SH3BGRL: variants seen among roughly 807,000 people sequenced by gnomAD.
The protein encoded by SH3BGRL is SH3 domain binding glutamate rich protein like.
Under a neutral mutation model 9.8 loss-of-function variants are expected in SH3BGRL, and 7 were observed. The ratio of observed to expected loss-of-function variants is 0.72; its 90% CI spans 0.41 to 1.35. SH3BGRL has a LOEUF of 1.35. Among genes scored for constraint, SH3BGRL ranks in the 40% most tolerant of loss-of-function variants. The probability of loss-of-function intolerance (pLI) is 0.01; values close to 1 mark genes in which losing one functional copy is unlikely to be tolerated. For missense variants in SH3BGRL, 73 were observed against 84.4 expected (o/e 0.86, Z 0.53); for synonymous variants, 36 against 29.1 (o/e 1.24, Z -0.76).
chrX:81,209,197 A>T (rs1602591764), intron 1 of SH3BGRL, among the ~76,000 whole-genome samples: 3 of 108,979 alleles, frequency 2.8e-5, no homozygotes, highest in Admixed American at 9.9e-5. Flanking sequence ...TGGTAGAGAC[A>T]GGTTTTCACC....
intron 1 of SH3BGRL, among the ~76,000 whole-genome samples, chrX:81,223,485 G>A (rs2075607131): frequency 9.0e-6 from 1 of 110,524 alleles, no homozygotes; most frequent in African/African-American, 3.3e-5. Flanking sequence ...AGAGAACAAG[G>A]CCTTAATTCT....
At chrX:81,252,990 A>G (rs752211189) in intron 1 of SH3BGRL, among the ~76,000 whole-genome samples, 12 of 112,511 alleles carry the variant, frequency 1.1e-4, no homozygotes, top group African/African-American at 3.5e-4. Context: ...TTTACTTTCA[A>G]TAAGGATTCT....
At chrX:81,272,742 G>A (rs1168880693) in intron 1 of SH3BGRL, among the ~76,000 whole-genome samples, 2 of 110,268 alleles carry the variant, frequency 1.8e-5, no homozygotes, top group Non-Finnish European at 3.8e-5. Flanking sequence ...CTCGTTATCC[G>A]CCCGCCTCGG....
chrX:81,282,642 A>G (rs1308814122), intron 3 of SH3BGRL, among the ~76,000 whole-genome samples: 1 of 111,860 alleles, frequency 8.9e-6, no homozygotes, highest in Admixed American at 9.5e-5. Context: ...GACAGTAATG[A>G]CACAACCTAT....
chrX:81,213,509 A>G (rs2075572012), intron 1 of SH3BGRL, among the ~76,000 whole-genome samples: 1 of 112,166 alleles, frequency 8.9e-6, no homozygotes, highest in African/African-American at 3.2e-5. Context: ...AAGCTTTAGC[A>G]ATTGCCTCTT....
intron 1 of SH3BGRL, among the ~76,000 whole-genome samples, chrX:81,217,492 T>A (rs1454983032): frequency 1.8e-5 from 2 of 111,590 alleles, no homozygotes; most frequent in Non-Finnish European, 3.8e-5. Context: ...ATTTCCATCT[T>A]GATTTTCACT....
At chrX:81,267,754 G>A (rs1250787308) in intron 1 of SH3BGRL, among the ~76,000 whole-genome samples, 6 of 111,556 alleles carry the variant, frequency 5.4e-5, no homozygotes, top group Non-Finnish European at 9.4e-5. Flanking sequence ...CTCTTTTTCT[G>A]TTGATTGGAA....
chrX:81,294,667 A>G (rs1259838237), intron 3 of SH3BGRL, among the ~76,000 whole-genome samples: 1 of 111,239 alleles, frequency 9.0e-6, no homozygotes, highest in Non-Finnish European at 1.9e-5. Flanking sequence ...ACCGCCTAGT[A>G]GAGCTGTGAG....
intron 1 of SH3BGRL, among the ~76,000 whole-genome samples, chrX:81,265,586 C>T (rs12861400): frequency 8.9e-6 from 1 of 111,908 alleles, no homozygotes; most frequent in Non-Finnish European, 1.9e-5. Flanking sequence ...ATATGTGCCA[C>T]ATTTTCTTAA....
chrX:81,292,512 A>G (rs2075861411), intron 3 of SH3BGRL, among the ~76,000 whole-genome samples: 1 of 112,247 alleles, frequency 8.9e-6, no homozygotes, highest in African/African-American at 3.2e-5. Flanking sequence ...AGGGGCTGCC[A>G]TAAAGGCCTC....
intron 1 of SH3BGRL, among the ~76,000 whole-genome samples, chrX:81,264,953 C>A (rs1294257029): frequency 9.2e-6 from 1 of 108,821 alleles, no homozygotes. Flanking sequence ...TTATTCAGAA[C>A]TGATTTCATA....
chrX:81,215,661 C>T (rs1231238471), intron 1 of SH3BGRL, among the ~76,000 whole-genome samples: 1 of 111,164 alleles, frequency 9.0e-6, no homozygotes, highest in African/African-American at 3.3e-5. Flanking sequence ...TTAGCATTCT[C>T]CTGTCCCCCA....
At chrX:81,258,953 A>G (rs1034677099) in intron 1 of SH3BGRL, among the ~76,000 whole-genome samples, 1 of 112,622 alleles carries the variant, frequency 8.9e-6, no homozygotes, top group East Asian at 2.8e-4. Context: ...TAGAAAAGTA[A>G]AAAGAAAAAA....
intron 1 of SH3BGRL, among the ~76,000 whole-genome samples, chrX:81,209,251 G>A (rs754660613): frequency 9.1e-5 from 10 of 110,256 alleles, no homozygotes; most frequent in Admixed American, 1.9e-4. Flanking sequence ...AAAGTGATCC[G>A]CCCTCCTCGA....
chrX:81,294,297 A>G (rs1389346479), intron 3 of SH3BGRL, among the ~76,000 whole-genome samples: 1 of 110,030 alleles, frequency 9.1e-6, no homozygotes, highest in Non-Finnish European at 1.9e-5. Context: ...GGAGGAAAAA[A>G]TGGTTTTGTG....
intron 1 of SH3BGRL, among the ~76,000 whole-genome samples, chrX:81,259,599 A>G (rs1016642662): frequency 2.7e-5 from 3 of 112,224 alleles, no homozygotes; most frequent in Non-Finnish European, 5.6e-5. Context: ...GAAGGTCAAC[A>G]TATGCTAGGC....
chrX:81,288,705 A>G (rs751957541), intron 3 of SH3BGRL, among the ~76,000 whole-genome samples: 1 of 111,877 alleles, frequency 8.9e-6, no homozygotes, highest in East Asian at 2.8e-4. Context: ...ATAAAATTAA[A>G]TACCTAGGAA....
At chrX:81,288,331 CA>C (rs1410123539) in intron 3 of SH3BGRL, among the ~76,000 whole-genome samples, 2 of 112,045 alleles carry the variant, frequency 1.8e-5, no homozygotes, top group Admixed American at 9.5e-5. Flanking sequence ...CAGCTAGTAT[CA>C]TACTGAATGA....
intron 1 of SH3BGRL, chrX:81,237,077 A>T: frequency 1.1e-6 from 1 of 917,648 alleles, no homozygotes; most frequent in Non-Finnish European, 1.4e-6. Context: ...GAGAAAAGTC[A>T]AGTAATGTTA....
Sources: gnomAD v4.1 joint callset for allele counts (sites outside exome capture counted in the v4.1 genomes callset) on GRCh38, gnomAD v4.1.1 for gene constraint, MANE v1.5 for transcripts, NCBI Gene and HGNC (gene_info 2026-07-23, HGNC 2026-07-21) for gene names.